The following ESPNL variants were observed in gnomAD, a reference collection of about 807,000 sequenced individuals.
The protein encoded by ESPNL is espin like.
A neutral mutation model predicts 46.8 loss-of-function variants in ESPNL; 49 were observed. The observed-to-expected ratio is 1.05, with a 90% CI of 0.83 to 1.33. The LOEUF is 1.33. ESPNL is among the 40% of genes most tolerant of loss of function. ESPNL has a pLI of 0.00. For synonymous variants in ESPNL, 664 were observed against 662.1 expected (o/e 1.00, Z -0.04); for missense variants, 1,540 against 1,436.6 (o/e 1.07, Z -1.16).
chr2:238,130,957 A>T lies in ESPNL; in HGVS notation c.2243A>T (p.His748Leu). ...KERIIMLFLSHWRRSAYTPAL... is the reference protein window; with the variant it reads ...KERIIMLFLSLWRRSAYTPAL... ...CGCATCATCATGCTCTTCCTCAGCC[A>T]CTGGAGGAGATCGGCCTACACGCCG... Residue 748 changes from histidine (H) to leucine (L), a missense_variant, in exon 9 of 9, where the codon CAC becomes CTC. His to Leu is a moderately conservative substitution (Grantham distance 99). Coordinates refer to ENST00000343063, the MANE Select transcript of ESPNL (RefSeq NM_194312.4). The T allele has an allele frequency of 6.5e-7, 1 of 1,549,828 alleles. No homozygotes were observed. The highest frequency in any genetic ancestry group is 1.4e-5 in the African/African-American group (1 of 73,326).
intron 5 of ESPNL, among the ~76,000 whole-genome samples, chr2:238,119,224 A>AGGAGGGGGGAT (rs1559263815): frequency 5.8e-5 from 6 of 102,624 alleles, no homozygotes; most frequent in South Asian, 3.7e-4. Context: ...GGAGGGTGGA[A>AGGAGGGGGGAT]GGAAGAGGGT....
rs1381489743 is a variant in ESPNL, at chr2:238,114,041, C to T, written c.856-2862C>T. 6.6e-6 allele frequency among the ~76,000 whole-genome samples: 1 copy of T among 152,154 alleles called. No individual in the cohort carries two copies. The highest frequency in any genetic ancestry group is 1.9e-4 in the East Asian group (1 of 5,192). On this transcript the variant is annotated intron_variant, in intron 4 of 8. Transcript: ENST00000343063. The surrounding 1 kb of genome is among the most constrained non-coding windows in gnomAD (Gnocchi z 5.0). ...TTACAGTGAATCCGTGTTTCACGTC[C>T]TTGGGCAGTGGGTTGGTCTGACCCA...
chr2:238,130,533 C>A lies in ESPNL; in HGVS notation c.1819C>A (p.Leu607Met), dbSNP rs1692286579. 1.3e-6 allele frequency: 2 copies of A among 1,593,624 alleles called. No individual in the cohort carries two copies. The highest frequency in any genetic ancestry group is 3.5e-5 in the Admixed American group (2 of 56,838). The change falls in exon 9 of 9, where the codon CTG becomes ATG. Residue 607 changes from leucine (L) to methionine (M), a missense_variant. Physicochemically the swap from Leu to Met is conservative, Grantham distance 15. Transcript: ENST00000343063. ...CCTGGTACGCAGCCTGTCCCTGCTG[C>A]TGAAGGGCGTGCATGGGCTAGTACA... ...SRLVRSLSLL[L>M]KGVHGLVQGD...
intron 4 of ESPNL, among the ~76,000 whole-genome samples, chr2:238,111,169 C>G (rs1005052026): frequency 1.3e-5 from 2 of 151,936 alleles, no homozygotes; most frequent in Non-Finnish European, 2.9e-5. Flanking sequence ...TCAAATGATC[C>G]GCCCACCTCG....
chr2:238,100,960 A>G (rs552274260), intron 1 of ESPNL, among the ~76,000 whole-genome samples: 1 of 152,324 alleles, frequency 6.6e-6, no homozygotes, highest in Admixed American at 6.5e-5. Flanking sequence ...GGGCGTTGCC[A>G]GTGGGGGTCT....
chr2:238,115,562 C>T lies in ESPNL; in HGVS notation c.856-1341C>T, dbSNP rs954991980. Among the ~76,000 whole-genome samples the T allele has an allele frequency of 1.1e-4, 17 of 152,364 alleles. No homozygotes were observed. The East Asian group carries it at 2.5e-3, about 22-fold the overall frequency. On this transcript the variant is annotated intron_variant, in intron 4 of 8. Coordinates refer to ENST00000343063, the MANE Select transcript of ESPNL (RefSeq NM_194312.4). The stretch of plus-strand genomic sequence containing the variant: ...GTATTTACTCACGGCATGGCACACC[C>T]GCCGCTCCACATGCATGCTGAACCT...
At position 238,100,494 on chromosome 2, in the gene ESPNL, C is replaced by G. The variant is rs903010238; in HGVS notation, c.75C>G (p.Gly25=). Residue 25 remains glycine (G), a synonymous_variant, in exon 1 of 9, where the codon GGC becomes GGG. Coordinates refer to ENST00000343063, the MANE Select transcript of ESPNL (RefSeq NM_194312.4). ...CGTTGGAGCGGCTGCTGGAGGCTGG[C>G]GCCCTGGGCCCGGGCATCACCGATG... The part of the protein sequence containing the change: ...VATLERLLEA[G]ALGPGITDAL... 1.3e-6 allele frequency: 2 copies of G among 1,598,248 alleles called. No homozygotes were observed. Among genetic ancestry groups the G allele is most frequent in the South Asian group, 1.1e-5 (1 of 88,554 alleles).
chr2:238,106,084 C>G (rs1249647587), intron 3 of ESPNL, among the ~76,000 whole-genome samples: 1 of 152,200 alleles, frequency 6.6e-6, no homozygotes, highest in African/African-American at 2.4e-5. Flanking sequence ...GCACCAGCAC[C>G]AGGCACACGG....
In ESPNL at chr2:238,107,978, G is replaced by A; in HGVS notation, c.855+5G>A. The A allele has an allele frequency of 1.2e-6, 2 of 1,607,712 alleles. No individual in the cohort carries two copies. Among genetic ancestry groups the A allele is most frequent in the Non-Finnish European group, 1.7e-6 (2 of 1,176,654 alleles). ...GCAGAGAACGGGCAGATGGAGGTAA[G>A]GTGGGCGTGAGGGAGACAGGGTGAG... On this transcript the variant is annotated splice_donor_5th_base_variant and intron_variant, in intron 4 of 8. Transcript: ENST00000343063.
At chr2:238,127,246 C>A in intron 6 of ESPNL, 1 of 587,944 alleles carries the variant, frequency 1.7e-6, no homozygotes, top group Non-Finnish European at 2.2e-6. Context: ...TCGAGGTTGA[C>A]CCTGAAGTGT....
At chr2:238,100,861 C>T (rs114180685) in intron 1 of ESPNL, 148 bp downstream of exon 1, 47 of 628,424 alleles carry the variant, frequency 7.5e-5, no homozygotes, top group Middle Eastern at 4.6e-4. Flanking sequence ...CAGTGGTTAC[C>T]GTCTCTGCCC....
Position 238,131,119 on chromosome 2 carries a change from G to T in ESPNL, c.2405G>T (p.Ser802Ile). The T allele has an allele frequency of 6.5e-7, 1 of 1,545,232 alleles. No homozygotes were observed. The change falls in exon 9 of 9, where the codon AGC becomes ATC. Residue 802 changes from serine to isoleucine, a missense_variant. By Grantham distance (142) the Ser-to-Ile change is moderately radical. Coordinates refer to ENST00000343063, the MANE Select transcript of ESPNL (RefSeq NM_194312.4). ...PRLGHLWQQR[S>I]TITHLLGNWK... ...CTGGGCCACCTGTGGCAGCAGCGCAGCACCATCACCCACCTGCTGGGCAAC... is the reference window on the plus strand; with the variant it reads ...CTGGGCCACCTGTGGCAGCAGCGCATCACCATCACCCACCTGCTGGGCAAC...
intron 6 of ESPNL, among the ~76,000 whole-genome samples, chr2:238,126,150 CTG>C (rs1371957796): frequency 6.8e-6 from 1 of 147,210 alleles, no homozygotes; most frequent in Non-Finnish European, 1.5e-5. Context: ...GTGATTGTGT[CTG>C]TGTGCATCTG....
chr2:238,118,884 A>G (rs1320410809), intron 5 of ESPNL, among the ~76,000 whole-genome samples: 5 of 124,998 alleles, frequency 4.0e-5, no homozygotes, highest in Non-Finnish European at 1.7e-5. Flanking sequence ...GGAGAAATGG[A>G]TGAAAGAGTT....
At position 238,130,822 on chromosome 2, in the gene ESPNL, C is replaced by G; in HGVS notation, c.2108C>G (p.Pro703Arg). 6.5e-7 allele frequency: 1 copy of G among 1,546,054 alleles called. No homozygotes were observed. The highest frequency in any genetic ancestry group is 8.7e-7 in the Non-Finnish European group (1 of 1,148,934). ...KPRSGLASGEPRPGDTEEASD... is the reference protein window; with the variant it reads ...KPRSGLASGERRPGDTEEASD... Reference sequence around the variant, plus strand: ...CGCAGTGGCCTGGCTTCAGGGGAGCCCAGGCCTGGCGACACAGAGGAGGCC... The same window carrying G: ...CGCAGTGGCCTGGCTTCAGGGGAGCGCAGGCCTGGCGACACAGAGGAGGCC... Residue 703 changes from proline (P) to arginine (R), a missense_variant, in exon 9 of 9, where the codon CCC (proline) becomes CGC (arginine). Transcript: ENST00000343063.
chr2:238,118,637 ATGGATGGAGGAGAGTGGTTGGAGGAGGG>A (rs1691886494), intron 5 of ESPNL, among the ~76,000 whole-genome samples: 1 of 104,680 alleles, frequency 9.6e-6, no homozygotes, highest in Non-Finnish European at 2.0e-5. Flanking sequence ...TGGAGGAGGA[ATGGATGGAGGAGAGTGGTTGGAGGAGGG>A]TGGATGGAGG....
Position 238,131,811 on chromosome 2 carries a change from T to A in ESPNL, c.*79T>A. 1 of 1,479,880 alleles carries A rather than the reference T, an allele frequency of 6.8e-7. No individual in the cohort carries two copies. The highest frequency in any genetic ancestry group is 9.1e-7 in the Non-Finnish European group (1 of 1,095,684). 91.7% of individuals were successfully genotyped at this position (1,479,880 alleles called of 1,614,324 possible). ...TCTTTTCTTTTCCTTGCTCACACCC[T>A]TGGTGTTCAGGTGAGCCGGGCAAGG... On this transcript the variant is annotated 3_prime_UTR_variant, in exon 9 of 9. Transcript: ENST00000343063.
chr2:238,130,152 A>G lies in ESPNL; in HGVS notation c.1438A>G (p.Thr480Ala), dbSNP rs752015947. The change falls in exon 9 of 9, where the codon ACG becomes GCG. Residue 480 changes from threonine to alanine, a missense_variant. Physicochemically the swap from Thr to Ala is moderately conservative, Grantham distance 58. Coordinates refer to ENST00000343063, the MANE Select transcript of ESPNL (RefSeq NM_194312.4). ...AQDNGGSSGP[T>A]EQAAWRYSQT... ...GGACAATGGTGGGAGCTCAGGCCCC[A>G]CGGAGCAGGCGGCCTGGAGGTACTC... is the stretch of plus-strand genomic sequence containing the variant. The G allele has an allele frequency of 4.3e-6, 7 of 1,612,296 alleles. No homozygotes were observed. Among genetic ancestry groups the G allele is most frequent in the Middle Eastern group, 1.7e-4 (1 of 5,956 alleles).
intron 4 of ESPNL, 114 bp downstream of exon 4, chr2:238,108,087 T>C: frequency 6.9e-6 from 7 of 1,012,832 alleles, no homozygotes; most frequent in Non-Finnish European, 9.9e-6. Flanking sequence ...CTTTTACAGA[T>C]AGGTAAACTG....
Sources: allele counts gnomAD v4.1 joint callset (sites outside exome capture counted in the v4.1 genomes callset), GRCh38; gene constraint gnomAD v4.1.1; non-coding constraint Gnocchi (gnomAD v3.1); transcripts MANE v1.5; gene names NCBI Gene and HGNC (gene_info 2026-07-23, HGNC 2026-07-21).